Variants in DENND1A observed in about 807,000 individuals in gnomAD.
The protein encoded by DENND1A is DENN domain-containing protein 1A.
DENND1A carries 51 observed loss-of-function variants against 113.7 expected under a neutral mutation model. That is an observed-to-expected ratio of 0.45 (90% CI 0.36 to 0.57). The LOEUF is 0.57. Among genes scored for constraint, DENND1A ranks in the 20% least tolerant of loss-of-function variants. The pLI is 0.00. For missense variants in DENND1A, 1,258 were observed against 1,395.9 expected (o/e 0.90, Z 1.57); for synonymous variants, 565 against 570.8 (o/e 0.99, Z 0.14).
chr9:123,652,025 G>C lies in DENND1A; in HGVS notation c.606C>G (p.Ser202Arg), dbSNP rs1048438004. Reference protein sequence around the residue: ...LYERRILIICSKLSTLTACIH... With the variant: ...LYERRILIICRKLSTLTACIH... Reference sequence around the variant, plus strand: ...ACTGTCTACTCACAGTGCTGAGTTTGCTGCAAATGATGAGTATCCGGCGTT... The same window carrying C: ...ACTGTCTACTCACAGTGCTGAGTTTCCTGCAAATGATGAGTATCCGGCGTT... The change falls in exon 9 of 24, where the codon AGC becomes AGG. Residue 202 changes from serine (S) to arginine (R), a missense_variant. Transcript: ENST00000394215. The C allele has an allele frequency of 6.2e-7, 1 of 1,613,962 alleles. No individual in the cohort carries two copies. The highest frequency in any genetic ancestry group is 1.1e-5 in the South Asian group (1 of 91,060).
rs1554970668 is a variant in DENND1A at position 123,711,513 on chromosome 9, G to GTATATATATACA, written c.303-34725_303-34724insTGTATATATATA. Among the ~76,000 whole-genome samples, 48 of 120,972 alleles carry GTATATATATACA rather than the reference G, an allele frequency of 4.0e-4. 1 individual carries two copies. Among genetic ancestry groups the GTATATATATACA allele is most frequent in the African/African-American group, 1.5e-3 (47 of 30,618 alleles). The allele number at this position is 120,972 out of a possible 152,430, so 79.4% of individuals were successfully genotyped here. On this transcript the variant is annotated intron_variant, in intron 5 of 23. Coordinates refer to ENST00000394215, the MANE Select transcript of DENND1A (RefSeq NM_001352964.2). ...TATATATATATATATATGTATATAT[G>GTATATATATACA]TATATATATATATATATATATATAT...
At chr9:123,796,229 C>G (rs574790597) in intron 2 of DENND1A, among the ~76,000 whole-genome samples, 1 of 152,272 alleles carries the variant, frequency 6.6e-6, no homozygotes, top group South Asian at 2.1e-4. Context: ...CCATGGCCAT[C>G]AAAGAGGCTG....
intron 5 of DENND1A, among the ~76,000 whole-genome samples, chr9:123,711,515 A>ATATACG (rs2066617564): frequency 3.3e-5 from 1 of 30,528 alleles, no homozygotes; most frequent in South Asian, 8.2e-4. Flanking sequence ...GTATATATGT[A>ATATACG]TATATATATA....
chr9:123,534,985 G>C (rs1326058885), intron 13 of DENND1A, among the ~76,000 whole-genome samples: 3 of 152,074 alleles, frequency 2.0e-5, no homozygotes, highest in Non-Finnish European at 4.4e-5. Context: ...AGGACAAAAA[G>C]TTGGAGGCAG....
chr9:123,699,282 T>A (rs10124952), intron 5 of DENND1A, among the ~76,000 whole-genome samples: 2 of 152,060 alleles, frequency 1.3e-5, no homozygotes, highest in African/African-American at 4.8e-5. Context: ...GTCATTCAAA[T>A]GTCCTTCAGA....
intron 2 of DENND1A, among the ~76,000 whole-genome samples, chr9:123,852,020 G>A (rs376123014): frequency 2.6e-5 from 4 of 152,146 alleles, no homozygotes; most frequent in South Asian, 2.1e-4. Flanking sequence ...TTTGCCCAGC[G>A]TATTTGGGGA....
rs1377992032 is a variant in DENND1A at position 123,636,722 on chromosome 9, CAG to C, written c.619-6248_619-6247del. On this transcript the variant is annotated intron_variant, in intron 9 of 23. Transcript: ENST00000394215. ...CTTTTTTTTTTTTTTTTTTTTGAGA[CAG>C]AGTTTCACTCTTGTTGCCCAGGCTG... Among the ~76,000 whole-genome samples, 94 of 126,826 alleles carry C rather than the reference CAG, an allele frequency of 7.4e-4. 2 individuals are homozygous for C. The South Asian group carries it at 0.02, about 27-fold the overall frequency. 83.2% of individuals were successfully genotyped at this position (126,826 alleles called of 152,430 possible). A position where few individuals can be genotyped will look rare whatever the true frequency, so the allele number is the denominator to read the frequency against.
chr9:123,440,028 G>A lies in DENND1A; in HGVS notation c.1488+332C>T, dbSNP rs920369290. ...TATTTGAAGGTGCAAAGAAGGGCCC[G>A]GGATGCTAAAGTGTTCTAATGAGAT... On this transcript the variant is annotated intron_variant, in intron 19 of 23. Coordinates refer to ENST00000394215, the MANE Select transcript of DENND1A (RefSeq NM_001352964.2). The A allele has an allele frequency of 2.4e-5, 4 of 165,870 alleles. 1 individual carries two copies. The highest frequency in any genetic ancestry group is 1.9e-4 in the Admixed American group (3 of 15,780). The allele number at this position is 165,870 out of a possible 1,614,324, so 10.3% of individuals were successfully genotyped here. A position where few individuals can be genotyped will look rare whatever the true frequency, so the allele number is the denominator to read the frequency against.
chr9:123,604,558 T>TA (rs2060067219), intron 11 of DENND1A, among the ~76,000 whole-genome samples: 1 of 152,158 alleles, frequency 6.6e-6, no homozygotes, highest in Non-Finnish European at 1.5e-5. Flanking sequence ...GACACTGGGA[T>TA]ATGCTGTCCA....
intron 11 of DENND1A, among the ~76,000 whole-genome samples, chr9:123,602,266 A>G (rs903386715): frequency 6.6e-5 from 10 of 152,266 alleles, no homozygotes; most frequent in African/African-American, 2.4e-4. Context: ...AATGTTAAAT[A>G]GTTGTGATAC....
chr9:123,467,101 AC>A (rs1165954664), intron 13 of DENND1A, among the ~76,000 whole-genome samples: 1 of 152,146 alleles, frequency 6.6e-6, no homozygotes, highest in African/African-American at 2.4e-5. Context: ...AAACAAAAAA[AC>A]ATTATTGCCT....
intron 21 of DENND1A, chr9:123,401,153 T>C (rs542930971): frequency 1.3e-5 from 2 of 153,378 alleles, no homozygotes; most frequent in East Asian, 1.9e-4. Flanking sequence ...TGCCGACAGA[T>C]TGGTGGAGCC....
rs1171610036 is a variant in DENND1A, at chr9:123,643,560, ATTC to A, written c.618+8450_618+8452del. On this transcript the variant is annotated intron_variant, in intron 9 of 23. Coordinates refer to ENST00000394215, the MANE Select transcript of DENND1A (RefSeq NM_001352964.2). ...ACATATGAACCCTGGAAGGTTCTTT[ATTC>A]TTTATTATATAGGACAAAGATACAT... Among the ~76,000 whole-genome samples, 19 of 152,344 alleles carry A rather than the reference ATTC, an allele frequency of 1.2e-4. 1 individual carries two copies. Among genetic ancestry groups the A allele is most frequent in the African/African-American group, 4.3e-4 (18 of 41,590 alleles).
chr9:123,380,677 G>A lies in DENND1A; in HGVS notation c.*755C>T, dbSNP rs1488241646. On this transcript the variant is annotated 3_prime_UTR_variant, in exon 24 of 24. Coordinates refer to ENST00000394215, the MANE Select transcript of DENND1A (RefSeq NM_001352964.2). ...CGTGCCAGAGCTGGATGAGGGCTGGGGGCTCCTCCCAAAATACTCAGATGG... is the reference window on the plus strand; with the variant it reads ...CGTGCCAGAGCTGGATGAGGGCTGGAGGCTCCTCCCAAAATACTCAGATGG... The A allele has an allele frequency of 6.6e-6, 1 of 152,462 alleles. No individual in the cohort carries two copies. The highest frequency in any genetic ancestry group is 6.5e-5 in the Admixed American group (1 of 15,274). The allele number at this position is 152,462 out of a possible 1,614,324, so 9.4% of individuals were successfully genotyped here. A position where few individuals can be genotyped will look rare whatever the true frequency, so the allele number is the denominator to read the frequency against.
At chr9:123,478,267 G>A (rs1371932932) in intron 13 of DENND1A, among the ~76,000 whole-genome samples, 1 of 152,214 alleles carries the variant, frequency 6.6e-6, no homozygotes, top group African/African-American at 2.4e-5. Flanking sequence ...ACATTATTAA[G>A]TCTTCAAAAG....
intron 18 of DENND1A, among the ~76,000 whole-genome samples, chr9:123,449,399 G>A (rs1200492779): frequency 2.0e-5 from 3 of 152,154 alleles, no homozygotes; most frequent in Non-Finnish European, 4.4e-5. Flanking sequence ...GCCAGATGTG[G>A]TAGCACGTGC....
chr9:123,914,216 C>A (rs1159190102), intron 1 of DENND1A, among the ~76,000 whole-genome samples: 2 of 151,922 alleles, frequency 1.3e-5, no homozygotes, highest in Non-Finnish European at 2.9e-5. Context: ...TTGGTCTGTT[C>A]CTGCCATTGC....
At chr9:123,674,697 C>T (rs996657294) in intron 6 of DENND1A, among the ~76,000 whole-genome samples, 3 of 152,208 alleles carry the variant, frequency 2.0e-5, no homozygotes, top group Admixed American at 2.0e-4. Context: ...CTGAAGCAAT[C>T]GCCCAGAGGA....
At chr9:123,869,959 C>T (rs1846285619) in intron 2 of DENND1A, among the ~76,000 whole-genome samples, 1 of 135,340 alleles carries the variant, frequency 7.4e-6, no homozygotes, top group South Asian at 2.3e-4. Flanking sequence ...GCCATTGAAA[C>T]TGTTATGTAA....
Sources: allele counts gnomAD v4.1 joint callset (sites outside exome capture counted in the v4.1 genomes callset), GRCh38; gene constraint gnomAD v4.1.1; transcripts MANE v1.5; gene names NCBI Gene and HGNC (gene_info 2026-07-23, HGNC 2026-07-21).